NIPAL3: variants seen among roughly 807,000 people sequenced by gnomAD.
The protein encoded by NIPAL3 is NIPA like domain containing 3.
Under a neutral mutation model 47.2 loss-of-function variants are expected in NIPAL3, and 41 were observed. The ratio of observed to expected loss-of-function variants is 0.87; its 90% CI spans 0.68 to 1.13. NIPAL3 has a LOEUF of 1.13. NIPAL3 is among the 50% of genes most tolerant of loss of function. The pLI is 0.00. For synonymous variants in NIPAL3, 194 were observed against 209.6 expected (o/e 0.93, Z 0.64); for missense variants, 449 against 530.1 (o/e 0.85, Z 1.50).
intron 2 of NIPAL3, among the ~76,000 whole-genome samples, chr1:24,430,290 T>TGGAGTGCAGGAGTGCA (rs71032814): frequency 1.8e-3 from 278 of 150,360 alleles, no homozygotes; most frequent in Non-Finnish European, 3.2e-3. Flanking sequence ...TTGCCCAGGC[T>TGGAGTGCAGGAGTGCA]GGAGTGCAGG....
At chr1:24,439,438 CAG>C (rs1645274453) in intron 2 of NIPAL3, among the ~76,000 whole-genome samples, 1 of 152,066 alleles carries the variant, frequency 6.6e-6, no homozygotes, top group African/African-American at 2.4e-5. Context: ...AATTTATGGA[CAG>C]AAAAATGTTT....
At chr1:24,450,077 A>G (rs1269852740) in intron 6 of NIPAL3, among the ~76,000 whole-genome samples, 1 of 152,250 alleles carries the variant, frequency 6.6e-6, no homozygotes, top group Non-Finnish European at 1.5e-5. Context: ...ACAGTGGATC[A>G]CTGTACACAA....
chr1:24,471,151 G>A lies in NIPAL3; in HGVS notation c.*1966G>A, dbSNP rs1208323717. On this transcript the variant is annotated 3_prime_UTR_variant, in exon 12 of 12. Transcript: ENST00000374399. ...TAGATGGGTGGCAAATCTAAGATTTGTATAAAGCATATAAAATAGGGTGAT... is the reference window on the plus strand; with the variant it reads ...TAGATGGGTGGCAAATCTAAGATTTATATAAAGCATATAAAATAGGGTGAT... 6.6e-6 allele frequency: 1 copy of A among 152,238 alleles called. No individual in the cohort carries two copies. Among genetic ancestry groups the A allele is most frequent in the Non-Finnish European group, 1.5e-5 (1 of 68,076 alleles). 9.4% of individuals were successfully genotyped at this position (152,238 alleles called of 1,614,324 possible).
At chr1:24,457,356 G>A (rs1646261744) in intron 8 of NIPAL3, among the ~76,000 whole-genome samples, 1 of 152,218 alleles carries the variant, frequency 6.6e-6, no homozygotes, top group African/African-American at 2.4e-5. Context: ...CAGAGGGCCT[G>A]GGAGGAGAGG....
intron 2 of NIPAL3, among the ~76,000 whole-genome samples, chr1:24,428,933 C>T (rs867986631): frequency 1.1e-4 from 16 of 152,308 alleles, no homozygotes; most frequent in African/African-American, 3.4e-4. Context: ...TGCAGCTCTG[C>T]ACTTCCATGG....
Position 24,464,209 on chromosome 1 carries a change from T to G in NIPAL3, c.1021+89T>G, listed in dbSNP as rs1217323261. On this transcript the variant is annotated intron_variant, in intron 11 of 11. Coordinates refer to ENST00000374399, the MANE Select transcript of NIPAL3 (RefSeq NM_020448.5). ...AAAAAGAGACAACCAACTGCTGTGCTGTGCCTTTATCGTGTGACTGTTCTC... is the reference window on the plus strand; with the variant it reads ...AAAAAGAGACAACCAACTGCTGTGCGGTGCCTTTATCGTGTGACTGTTCTC... 5.3e-6 allele frequency: 5 copies of G among 951,504 alleles called. No individual in the cohort carries two copies. In the East Asian group the frequency reaches 1.1e-4, roughly 20 times the overall value. The allele number at this position is 951,504 out of a possible 1,614,324, so 58.9% of individuals were successfully genotyped here. A position where few individuals can be genotyped will look rare whatever the true frequency, so the allele number is the denominator to read the frequency against.
upstream of NIPAL3, chr1:24,413,619 T>G (rs1643858048): frequency 6.6e-6 from 1 of 152,248 alleles, no homozygotes; most frequent in South Asian, 2.1e-4. Flanking sequence ...TGGTGCGCCG[T>G]GTCCTCTTCC....
chr1:24,456,262 C>T lies in NIPAL3; in HGVS notation c.762C>T (p.Val254=), dbSNP rs184863635. ...TCGTGTGCATGGTGGCAACCGCCGT[C>T]TATCAGGCTGCGTGAGTTACAAATC... is the stretch of plus-strand genomic sequence containing the variant. ...VMFVCMVATA[V]YQAAFLSQAS... Residue 254 remains valine, a synonymous_variant, in exon 8 of 12, where the codon GTC becomes GTT. Transcript: ENST00000374399. The T allele has an allele frequency of 4.3e-6, 7 of 1,614,244 alleles. No homozygotes were observed. In the Admixed American group the frequency reaches 1.2e-4, roughly 27 times the overall value.
chr1:24,460,018 A>C (rs1358194191), intron 9 of NIPAL3, among the ~76,000 whole-genome samples: 1 of 152,234 alleles, frequency 6.6e-6, no homozygotes, highest in Non-Finnish European at 1.5e-5. Flanking sequence ...ACATGAGGTT[A>C]GAAAGCTCTA....
chr1:24,458,590 G>A (rs1315451483), intron 8 of NIPAL3, among the ~76,000 whole-genome samples: 1 of 152,042 alleles, frequency 6.6e-6, no homozygotes, highest in Non-Finnish European at 1.5e-5. Flanking sequence ...GGGGTGAGGA[G>A]AAGGGCATTT....
rs762141551 is a variant in NIPAL3, at chr1:24,442,222, G to A, written c.330G>A (p.Val110=). The A allele has an allele frequency of 3.1e-6, 5 of 1,613,646 alleles. No homozygotes were observed. The highest frequency in any genetic ancestry group is 1.7e-4 in the Middle Eastern group (1 of 6,020). The change falls in exon 4 of 12, where the codon GTG becomes GTA. Residue 110 remains valine, a synonymous_variant. Coordinates refer to ENST00000374399, the MANE Select transcript of NIPAL3 (RefSeq NM_020448.5). The part of the protein sequence containing the change: ...SLIVPLSAVS[V]IASAIIGIIF... ...TCGTGCCCCTCAGCGCAGTTTCTGT[G>A]ATAGGTAAGACCAGGGCTGCCCCAC...
At chr1:24,435,150 T>C (rs910282818) in intron 2 of NIPAL3, among the ~76,000 whole-genome samples, 1 of 152,228 alleles carries the variant, frequency 6.6e-6, no homozygotes, top group African/African-American at 2.4e-5. Flanking sequence ...GACCATTCAA[T>C]GGAGAAAGAA....
In NIPAL3 at chr1:24,469,213, C is replaced by T. The variant is rs758963795; in HGVS notation, c.*28C>T. 7.6e-6 allele frequency: 12 copies of T among 1,586,664 alleles called. No individual in the cohort carries two copies. The highest frequency in any genetic ancestry group is 1.0e-5 in the Non-Finnish European group (12 of 1,163,340). On this transcript the variant is annotated 3_prime_UTR_variant, in exon 12 of 12. Coordinates refer to ENST00000374399, the MANE Select transcript of NIPAL3 (RefSeq NM_020448.5). ...CTCGCCTCCCTCTATTTATAACTGT[C>T]CCCTCCAGGCTGACAGTGGTTCAAC...
rs898624840 is a variant in NIPAL3 at position 24,437,040 on chromosome 1, A to G, written c.94-3132A>G. On this transcript the variant is annotated intron_variant, in intron 2 of 11. Transcript: ENST00000374399. ...GCCGAAGCGGTCGGATCATGAGGTC[A>G]GGAGATTGAGACCATCCTGGATAAC... is the stretch of plus-strand genomic sequence containing the variant. 3.9e-5 allele frequency among the ~76,000 whole-genome samples: 6 copies of G among 152,224 alleles called. No individual in the cohort carries two copies. In the East Asian group the frequency reaches 9.7e-4, roughly 25 times the overall value.
At chr1:24,464,930 G>A (rs1361025811) in intron 11 of NIPAL3, 2 of 152,220 alleles carry the variant, frequency 1.3e-5, no homozygotes, top group Non-Finnish European at 2.9e-5. Flanking sequence ...AGGTTTTCAT[G>A]CTGTAACGCT....
At position 24,438,255 on chromosome 1, in the gene NIPAL3, G is replaced by A. The variant is rs536279063; in HGVS notation, c.94-1917G>A. ...CTTTATTCTGTCTTGCTGCTCATCG[G>A]GTGAGTCAGAATCAGTTCCCAGCTC... On this transcript the variant is annotated intron_variant, in intron 2 of 11. Transcript: ENST00000374399. Among the ~76,000 whole-genome samples the A allele has an allele frequency of 9.5e-4, 144 of 152,296 alleles. 1 individual carries two copies. The highest frequency in any genetic ancestry group is 3.3e-3 in the African/African-American group (137 of 41,576).
At chr1:24,441,360 G>T (rs1353364861) in intron 3 of NIPAL3, among the ~76,000 whole-genome samples, 2 of 152,162 alleles carry the variant, frequency 1.3e-5, no homozygotes, top group African/African-American at 4.8e-5. Flanking sequence ...ATCTCTGGTT[G>T]TTTATCTGCT....
chr1:24,421,210 C>A (rs1354390135), intron 2 of NIPAL3, among the ~76,000 whole-genome samples: 3 of 151,690 alleles, frequency 2.0e-5, no homozygotes, highest in Non-Finnish European at 4.4e-5. Context: ...ACAAAAAATA[C>A]AAAAAATTAG....
Position 24,415,848 on chromosome 1 carries a change from A to G in NIPAL3, c.-314A>G, listed in dbSNP as rs1042743045. 6 of 985,406 alleles carry G rather than the reference A, an allele frequency of 6.1e-6. No individual in the cohort carries two copies. Among genetic ancestry groups the G allele is most frequent in the Non-Finnish European group, 7.2e-6 (6 of 829,990 alleles). The allele number at this position is 985,406 out of a possible 1,614,324, so 61.0% of individuals were successfully genotyped here. A position where few individuals can be genotyped will look rare whatever the true frequency, so the allele number is the denominator to read the frequency against. Reference sequence around the variant, plus strand: ...GGCTGTGCCTCCGGGTTGCACGAAGAGTCCGAGTCATTTCTCAGAAGGTTT... The same window carrying G: ...GGCTGTGCCTCCGGGTTGCACGAAGGGTCCGAGTCATTTCTCAGAAGGTTT... On this transcript the variant is annotated 5_prime_UTR_variant, in exon 1 of 12. Transcript: ENST00000374399.
Sources: allele counts gnomAD v4.1 joint callset (sites outside exome capture counted in the v4.1 genomes callset), GRCh38; gene constraint gnomAD v4.1.1; transcripts MANE v1.5; gene names NCBI Gene and HGNC (gene_info 2026-07-23, HGNC 2026-07-21).